Variants in CAMTA1 observed in about 807,000 individuals in gnomAD.
CAMTA1 encodes calmodulin-binding transcription activator 1.
CAMTA1 carries 27 observed loss-of-function variants against 170.9 expected under a neutral mutation model. The ratio of observed to expected loss-of-function variants is 0.16; its 90% confidence interval spans 0.12 to 0.22. CAMTA1 has a LOEUF of 0.22. Ranked by LOEUF, CAMTA1 falls within the 10% of genes least tolerant of loss-of-function variation. CAMTA1 has a pLI of 1.00. For synonymous variants in CAMTA1, 833 were observed against 891.5 expected (o/e 0.93, Z 1.17); for missense variants, 1,619 against 2,217.2 (o/e 0.73, Z 5.42).
At chr1:7,698,492 G>C (rs2096402728) in intron 11 of CAMTA1, 1 of 153,646 alleles carries the variant, frequency 6.5e-6, no homozygotes, top group Non-Finnish European at 1.4e-5. Context: ...GGGGGGCAAG[G>C]GGGGGTGCGG....
intron 5 of CAMTA1, among the ~76,000 whole-genome samples, chr1:7,397,582 G>A (rs1323149638): frequency 6.6e-6 from 1 of 151,862 alleles, no homozygotes; most frequent in Non-Finnish European, 1.5e-5. Flanking sequence ...CTAGTTCCCT[G>A]AAGTGCAATG....
intron 5 of CAMTA1, among the ~76,000 whole-genome samples, chr1:7,317,280 G>A (rs1333164205): frequency 1.3e-5 from 2 of 152,214 alleles, no homozygotes; most frequent in African/African-American, 4.8e-5. Flanking sequence ...CTTAGTCTGG[G>A]ACCTGGAAGC....
At chr1:7,307,112 T>TA (rs1200069970) in intron 5 of CAMTA1, among the ~76,000 whole-genome samples, 5 of 152,056 alleles carry the variant, frequency 3.3e-5, no homozygotes, top group African/African-American at 1.2e-4. Flanking sequence ...TTTAAGTCTT[T>TA]AAAAAAATTC....
At chr1:7,623,709 G>T (rs1369632130) in intron 6 of CAMTA1, among the ~76,000 whole-genome samples, 5 of 152,224 alleles carry the variant, frequency 3.3e-5, no homozygotes, top group Non-Finnish European at 7.3e-5. Context: ...TGTTGGCCAG[G>T]CTGGTCTCAA....
Position 7,101,143 on chromosome 1 carries a change from G to A in CAMTA1, c.302+9772G>A, listed in dbSNP as rs534151872. ...ATGGTCATTTTGTTTTGTTTCTGGC[G>A]CCCCGCAGGCCCCGCAGTTTATTCT... On this transcript the variant is annotated intron_variant, in intron 4 of 22. Transcript: ENST00000303635. Among the ~76,000 whole-genome samples, 12 of 152,206 alleles carry A rather than the reference G, an allele frequency of 7.9e-5. No homozygotes were observed. In the East Asian group the frequency reaches 1.2e-3, roughly 15 times the overall value.
chr1:7,140,706 A>G (rs974645489), intron 4 of CAMTA1, among the ~76,000 whole-genome samples: 2 of 152,246 alleles, frequency 1.3e-5, no homozygotes, highest in Non-Finnish European at 2.9e-5. Flanking sequence ...CCACTTGGTT[A>G]GCATGCTTGC....
At chr1:7,583,854 T>C (rs2095284057) in intron 6 of CAMTA1, among the ~76,000 whole-genome samples, 1 of 152,122 alleles carries the variant, frequency 6.6e-6, no homozygotes, top group African/African-American at 2.4e-5. Context: ...TAGACCCAGA[T>C]CACTGTCCTC....
At chr1:7,551,894 C>T (rs1340861320) in intron 6 of CAMTA1, among the ~76,000 whole-genome samples, 1 of 152,182 alleles carries the variant, frequency 6.6e-6, no homozygotes, top group Non-Finnish European at 1.5e-5. Context: ...AGAAAAACCC[C>T]CAGGGAGGGA....
chr1:6,897,013 A>G (rs771305762), intron 3 of CAMTA1, among the ~76,000 whole-genome samples: 29 of 152,300 alleles, frequency 1.9e-4, no homozygotes, highest in Admixed American at 5.9e-4. Context: ...AGATAAAGCC[A>G]TGGAGCTGGA....
chr1:6,878,004 G>T (rs1405524411), intron 3 of CAMTA1, among the ~76,000 whole-genome samples: 1 of 152,190 alleles, frequency 6.6e-6, no homozygotes, highest in Admixed American at 6.5e-5. Context: ...CAGGTAATTA[G>T]GAACAGGAGC....
At chr1:7,743,850 G>A (rs1396680975) in intron 16 of CAMTA1, among the ~76,000 whole-genome samples, 5 of 148,932 alleles carry the variant, frequency 3.4e-5, no homozygotes, top group Admixed American at 6.7e-5. Flanking sequence ...TTTCTGAGAC[G>A]GAGTCTTACT....
intron 3 of CAMTA1, among the ~76,000 whole-genome samples, chr1:6,910,489 T>G (rs766447380): frequency 2.0e-5 from 3 of 152,248 alleles, no homozygotes; most frequent in Non-Finnish European, 4.4e-5. Flanking sequence ...CATTGGAGGC[T>G]CAGCTCATTT....
chr1:7,013,957 C>T (rs1318239418), intron 3 of CAMTA1, among the ~76,000 whole-genome samples: 2 of 152,236 alleles, frequency 1.3e-5, no homozygotes, highest in Non-Finnish European at 1.5e-5. Context: ...TGGCAGTGGA[C>T]CTGCTGCCAG....
intron 3 of CAMTA1, among the ~76,000 whole-genome samples, chr1:7,000,496 T>C (rs900143286): frequency 1.3e-5 from 2 of 152,180 alleles, no homozygotes; most frequent in Non-Finnish European, 2.9e-5. Flanking sequence ...GCATGTCTTA[T>C]GGAGCGGGGC....
chr1:6,830,950 C>CCT (rs1649806469), intron 3 of CAMTA1, among the ~76,000 whole-genome samples: 1 of 152,078 alleles, frequency 6.6e-6, no homozygotes, highest in Non-Finnish European at 1.5e-5. Context: ...TCCTGAGTAG[C>CCT]TGGGACTACA....
intron 3 of CAMTA1, among the ~76,000 whole-genome samples, chr1:6,911,006 C>T (rs1679572652): frequency 6.6e-6 from 1 of 152,222 alleles, no homozygotes; most frequent in Admixed American, 6.5e-5. Flanking sequence ...AATTGCAGTA[C>T]ATCTGCTAAT....
intron 1 of CAMTA1, among the ~76,000 whole-genome samples, chr1:6,803,357 T>G (rs1273976197): frequency 2.0e-5 from 3 of 152,214 alleles, no homozygotes; most frequent in Non-Finnish European, 4.4e-5. Flanking sequence ...TAAGTGTATG[T>G]GGCTGCCTGT....
chr1:7,358,386 T>G (rs1308122020), intron 5 of CAMTA1, among the ~76,000 whole-genome samples: 2 of 152,244 alleles, frequency 1.3e-5, no homozygotes, highest in Non-Finnish European at 2.9e-5. Context: ...AAGCTGCTCA[T>G]AATTAGTAAT....
intron 11 of CAMTA1, among the ~76,000 whole-genome samples, chr1:7,719,261 TC>T (rs35369373): frequency 6.6e-6 from 1 of 152,184 alleles, no homozygotes; most frequent in Non-Finnish European, 1.5e-5. Context: ...GCCTGAATGT[TC>T]CTTGGAGAAT....
Sources: allele counts gnomAD v4.1 joint callset (sites outside exome capture counted in the v4.1 genomes callset), GRCh38; gene constraint gnomAD v4.1.1; transcripts MANE v1.5; gene names NCBI Gene and HGNC (gene_info 2026-07-23, HGNC 2026-07-21).